CTNNA3: variants seen among roughly 807,000 people sequenced by gnomAD.
CTNNA3 encodes catenin alpha-3.
A neutral mutation model predicts 95.7 loss-of-function variants in CTNNA3; 76 were observed. The observed-to-expected ratio is 0.79, with a 90% CI of 0.66 to 0.96. The LOEUF (loss-of-function observed/expected upper bound fraction) is 0.96, where lower values mean the gene tolerates loss of function less well. Among genes scored for constraint, CTNNA3 ranks in the 40% least tolerant of loss-of-function variants. The pLI is 0.00. For synonymous variants in CTNNA3, 431 were observed against 374.4 expected (o/e 1.15, Z -1.74); for missense variants, 1,191 against 1,089.8 (o/e 1.09, Z -1.31).
chr10:67,373,886 GATCTGTTTATAT>G (rs1388994369), intron 5 of CTNNA3, among the ~76,000 whole-genome samples: 2 of 152,098 alleles, frequency 1.3e-5, no homozygotes, highest in Non-Finnish European at 2.9e-5. Flanking sequence ...TAATTTTTCT[GATCTGTTTATAT>G]ATCTGTCTCT....
chr10:67,237,615 A>C (rs1362155970), intron 5 of CTNNA3, among the ~76,000 whole-genome samples: 1 of 152,158 alleles, frequency 6.6e-6, no homozygotes, highest in Non-Finnish European at 1.5e-5. Flanking sequence ...CCCTATGAGC[A>C]ATGCAGAACA....
chr10:67,554,826 G>A (rs1400258954), intron 3 of CTNNA3, among the ~76,000 whole-genome samples: 1 of 152,132 alleles, frequency 6.6e-6, no homozygotes, highest in Non-Finnish European at 1.5e-5. Context: ...TGAAGTCCTT[G>A]CGCATGCCTA....
At chr10:67,348,708 T>G (rs1292481071) in intron 5 of CTNNA3, among the ~76,000 whole-genome samples, 3 of 152,118 alleles carry the variant, frequency 2.0e-5, no homozygotes, top group African/African-American at 4.8e-5. Flanking sequence ...AAGATTTTCA[T>G]AAGGGATCTT....
intron 13 of CTNNA3, among the ~76,000 whole-genome samples, chr10:66,159,542 G>T (rs1161436480): frequency 6.7e-6 from 1 of 150,278 alleles, no homozygotes; most frequent in Non-Finnish European, 1.5e-5. Context: ...TTGATATGTT[G>T]TTGGGTTCGG....
intron 7 of CTNNA3, among the ~76,000 whole-genome samples, chr10:67,031,471 A>G (rs977952729): frequency 6.6e-6 from 1 of 152,212 alleles, no homozygotes; most frequent in Non-Finnish European, 1.5e-5. Flanking sequence ...AGCTCACTTC[A>G]AAGATTTTCA....
At chr10:66,968,993 G>A (rs1038158070) in intron 7 of CTNNA3, among the ~76,000 whole-genome samples, 3 of 151,438 alleles carry the variant, frequency 2.0e-5, no homozygotes, top group African/African-American at 7.3e-5. Context: ...CTCCAGCCTG[G>A]GCAACAGAAT....
At chr10:67,037,331 TACTATGTGGCAAC>T (rs1248278683) in intron 7 of CTNNA3, among the ~76,000 whole-genome samples, 5 of 150,470 alleles carry the variant, frequency 3.3e-5, no homozygotes, top group Non-Finnish European at 1.5e-5. Context: ...ATTCAGCAGT[TACTATGTGGCAAC>T]ACTATGTGGC....
rs749436252 is a variant in CTNNA3, at chr10:67,219,864, T to C, written c.586A>G (p.Lys196Glu). The change falls in exon 6 of 18, where the codon AAA becomes GAA. Residue 196 changes from lysine to glutamate, a missense_variant. Transcript: ENST00000433211. ...ATTTCATCTCTCTGATTTGGAGATT[T>C]TAAGTCCTGAGAAGGTAAATAAAAA... ...YLAFKRQQDLKSPNQRDEIAG... is the reference protein window; with the variant it reads ...YLAFKRQQDLESPNQRDEIAG... 4 of 1,609,520 alleles carry C rather than the reference T, an allele frequency of 2.5e-6. No individual in the cohort carries two copies. The highest frequency in any genetic ancestry group is 3.3e-5 in the Admixed American group (2 of 59,766).
chr10:66,099,432 T>C (rs1240950787), intron 14 of CTNNA3, among the ~76,000 whole-genome samples: 2 of 152,160 alleles, frequency 1.3e-5, no homozygotes, highest in African/African-American at 4.8e-5. Context: ...TTTATTATTA[T>C]AAGGAGTATG....
chr10:67,572,880 G>A (rs548489489), intron 3 of CTNNA3, among the ~76,000 whole-genome samples: 2 of 152,152 alleles, frequency 1.3e-5, no homozygotes, highest in African/African-American at 4.8e-5. Context: ...TTGAGTCCAG[G>A]AGTTCAAGAC....
intron 7 of CTNNA3, among the ~76,000 whole-genome samples, chr10:67,083,132 T>C (rs928588414): frequency 6.6e-6 from 1 of 152,060 alleles, no homozygotes; most frequent in African/African-American, 2.4e-5. Context: ...TTTTAAACTT[T>C]GAATCCCTTT....
At chr10:66,914,811 T>A (rs1400280640) in intron 7 of CTNNA3, among the ~76,000 whole-genome samples, 1 of 152,174 alleles carries the variant, frequency 6.6e-6, no homozygotes, top group Non-Finnish European at 1.5e-5. Context: ...AGACAATGCA[T>A]AAAAGAATGC....
rs3057678 is a variant in CTNNA3, at chr10:67,350,910, G to GTATATATATATATA, written c.580-131054_580-131041dup. Among the ~76,000 whole-genome samples, 66 of 141,804 alleles carry GTATATATATATATA rather than the reference G, an allele frequency of 4.7e-4. 2 individuals are homozygous for GTATATATATATATA. The highest frequency in any genetic ancestry group is 1.7e-3 in the African/African-American group (64 of 38,696). The allele number at this position is 141,804 out of a possible 152,430, so 93.0% of individuals were successfully genotyped here. Reference sequence around the variant, plus strand: ...AAATCTGTATGTGAAAAAAGTATGTGTATATATATATATATATATATGCAT... The same window carrying GTATATATATATATA: ...AAATCTGTATGTGAAAAAAGTATGTGTATATATATATATATATATATATATATATATATATGCAT... On this transcript the variant is annotated intron_variant, in intron 5 of 17. Coordinates refer to ENST00000433211, the MANE Select transcript of CTNNA3 (RefSeq NM_013266.4).
At chr10:66,137,331 T>C (rs888317621) in intron 13 of CTNNA3, among the ~76,000 whole-genome samples, 2 of 152,066 alleles carry the variant, frequency 1.3e-5, no homozygotes, top group African/African-American at 2.4e-5. Context: ...ATGTTAGATA[T>C]TCAAAAAGCC....
In CTNNA3 at chr10:67,460,852, T is replaced by C. The variant is rs189410186; in HGVS notation, c.579+60990A>G. ...TATATTGTGTCCAGGTTAGAAGGTC[T>C]CTGATAAAAGACAATCTAAATCTCC... On this transcript the variant is annotated intron_variant, in intron 5 of 17. Coordinates refer to ENST00000433211, the MANE Select transcript of CTNNA3 (RefSeq NM_013266.4). Among the ~76,000 whole-genome samples, 148 of 152,258 alleles carry C rather than the reference T, an allele frequency of 9.7e-4. 1 individual carries two copies. Among genetic ancestry groups the C allele is most frequent in the Non-Finnish European group, 4.9e-4 (33 of 68,006 alleles).
At chr10:66,828,986 C>A (rs1422610625) in intron 7 of CTNNA3, among the ~76,000 whole-genome samples, 1 of 152,220 alleles carries the variant, frequency 6.6e-6, no homozygotes, top group Non-Finnish European at 1.5e-5. Context: ...ACATGACAGC[C>A]AGGTAGCTTG....
intron 1 of CTNNA3, among the ~76,000 whole-genome samples, chr10:67,747,558 A>T (rs1366697066): frequency 1.3e-5 from 2 of 152,212 alleles, no homozygotes; most frequent in Non-Finnish European, 2.9e-5. Context: ...ACAAACAGAA[A>T]GCAGCAACAG....
chr10:67,486,684 A>T (rs994153601), intron 5 of CTNNA3, among the ~76,000 whole-genome samples: 3 of 152,138 alleles, frequency 2.0e-5, no homozygotes, highest in Admixed American at 6.5e-5. Context: ...GTGCCAAATA[A>T]CTGCTAGCTG....
chr10:66,388,091 T>A (rs922046893), intron 11 of CTNNA3, among the ~76,000 whole-genome samples: 2 of 152,138 alleles, frequency 1.3e-5, no homozygotes, highest in African/African-American at 4.8e-5. Context: ...AATTAAAGTA[T>A]AGTAGTAAAA....
Sources: gnomAD v4.1 joint callset for allele counts (sites outside exome capture counted in the v4.1 genomes callset) on GRCh38, gnomAD v4.1.1 for gene constraint, MANE v1.5 for transcripts, NCBI Gene and HGNC (gene_info 2026-07-23, HGNC 2026-07-21) for gene names.